LRRC4C: variants seen among roughly 807,000 people sequenced by gnomAD.
LRRC4C encodes leucine-rich repeat-containing protein 4C.
LRRC4C carries 5 observed loss-of-function variants against 33.6 expected under a neutral mutation model. That is an observed-to-expected ratio of 0.15 (90% confidence interval 0.08 to 0.31). The LOEUF (loss-of-function observed/expected upper bound fraction) is 0.31, where lower values mean the gene tolerates loss of function less well. LRRC4C is among the 10% of genes least tolerant of loss of function. The probability of loss-of-function intolerance (pLI) is 1.00; values close to 1 mark genes in which losing one functional copy is unlikely to be tolerated. For synonymous variants in LRRC4C, 329 were observed against 302.0 expected, an observed-to-expected ratio of 1.09 and a Z score of -0.93; for missense variants, 560 against 796.7, an observed-to-expected ratio of 0.70 and a Z score of 3.58.
At chr11:40,832,904 A>T (rs1952484250) in intron 2 of LRRC4C, among the ~76,000 whole-genome samples, 1 of 152,172 alleles carries the variant, frequency 6.6e-6, no homozygotes, top group African/African-American at 2.4e-5. Context: ...AGCATTTATC[A>T]AGGCAGTGTG....
At chr11:41,354,818 G>A (rs1310046025) in intron 1 of LRRC4C, among the ~76,000 whole-genome samples, 1 of 151,878 alleles carries the variant, frequency 6.6e-6, no homozygotes, top group East Asian at 1.9e-4. Flanking sequence ...GTTTGAAACT[G>A]TACTCATTTC....
At chr11:40,330,910 C>G (rs542403489) in intron 3 of LRRC4C, among the ~76,000 whole-genome samples, 43 of 152,264 alleles carry the variant, frequency 2.8e-4, no homozygotes, top group Admixed American at 1.0e-3. Flanking sequence ...TTATAGAGCA[C>G]TAGAACTTAT....
chr11:40,452,453 A>G (rs1439714048), intron 3 of LRRC4C, among the ~76,000 whole-genome samples: 5 of 152,292 alleles, frequency 3.3e-5, no homozygotes, highest in East Asian at 1.9e-4. Context: ...CTGGCCATCA[A>G]AGAAATGCAA....
At chr11:40,784,926 G>A (rs1175147833) in intron 2 of LRRC4C, among the ~76,000 whole-genome samples, 4 of 152,052 alleles carry the variant, frequency 2.6e-5, no homozygotes, top group South Asian at 2.1e-4. Context: ...TAATAGAAAG[G>A]GAGGAAGAAA....
intron 3 of LRRC4C, among the ~76,000 whole-genome samples, chr11:40,472,963 A>T (rs1362221419): frequency 6.6e-6 from 1 of 152,224 alleles, no homozygotes; most frequent in Non-Finnish European, 1.5e-5. Flanking sequence ...GGCAGTAATT[A>T]ATAGCCTACC....
intron 3 of LRRC4C, among the ~76,000 whole-genome samples, chr11:40,391,471 C>T (rs536001619): frequency 2.3e-3 from 352 of 152,268 alleles, no homozygotes; most frequent in Non-Finnish European, 4.1e-3. Flanking sequence ...TTTATAACAA[C>T]GCTGTGATGT....
At chr11:41,113,102 T>C (rs1941934927) in intron 1 of LRRC4C, among the ~76,000 whole-genome samples, 1 of 152,080 alleles carries the variant, frequency 6.6e-6, no homozygotes, top group South Asian at 2.1e-4. Flanking sequence ...ACTTTCAGAA[T>C]AAATGAATGT....
intron 2 of LRRC4C, among the ~76,000 whole-genome samples, chr11:40,716,365 A>T (rs966551588): frequency 2.0e-4 from 30 of 152,274 alleles, no homozygotes; most frequent in East Asian, 7.7e-4. Context: ...AATATTTTTT[A>T]AAAATCTTAT....
chr11:41,159,301 A>G (rs1180157630), intron 1 of LRRC4C, among the ~76,000 whole-genome samples: 5 of 152,008 alleles, frequency 3.3e-5, no homozygotes, highest in East Asian at 3.9e-4. Context: ...TAAAAAAAAT[A>G]AATACATAAA....
intron 5 of LRRC4C, among the ~76,000 whole-genome samples, chr11:40,149,038 G>C (rs994015005): frequency 6.6e-6 from 1 of 151,970 alleles, no homozygotes; most frequent in Non-Finnish European, 1.5e-5. Flanking sequence ...CCATTAATGT[G>C]TCTGTTTTTG....
chr11:41,108,022 G>A (rs1233888661), intron 1 of LRRC4C, among the ~76,000 whole-genome samples: 1 of 151,488 alleles, frequency 6.6e-6, no homozygotes, highest in African/African-American at 2.4e-5. Context: ...AGAGGAGAGT[G>A]CTCTCTAAAC....
intron 4 of LRRC4C, among the ~76,000 whole-genome samples, chr11:40,296,451 A>T (rs1944516250): frequency 6.6e-6 from 1 of 152,218 alleles, no homozygotes; most frequent in Non-Finnish European, 1.5e-5. Context: ...GGTAAATGAC[A>T]CAGCCAAAAT....
chr11:41,324,270 A>C (rs891917479), intron 1 of LRRC4C, among the ~76,000 whole-genome samples: 6 of 152,120 alleles, frequency 3.9e-5, no homozygotes, highest in African/African-American at 1.4e-4. Flanking sequence ...GTCTCTACTA[A>C]AAATACAAAA....
chr11:40,170,322 C>T (rs372713188), intron 5 of LRRC4C, among the ~76,000 whole-genome samples: 2 of 152,266 alleles, frequency 1.3e-5, no homozygotes, highest in East Asian at 1.9e-4. Context: ...CCGTGGTAAA[C>T]AAAAAGGCAG....
chr11:40,695,783 G>C (rs1312804415), intron 2 of LRRC4C, among the ~76,000 whole-genome samples: 1 of 151,856 alleles, frequency 6.6e-6, no homozygotes, highest in Non-Finnish European at 1.5e-5. Context: ...TGCCCCTCCT[G>C]CTTCATTCTT....
chr11:40,664,067 A>G (rs1943590078), intron 2 of LRRC4C, among the ~76,000 whole-genome samples: 2 of 152,204 alleles, frequency 1.3e-5, no homozygotes, highest in Non-Finnish European at 2.9e-5. Flanking sequence ...TTACATATAT[A>G]GAGCACTTTA....
intron 2 of LRRC4C, among the ~76,000 whole-genome samples, chr11:40,707,721 T>A (rs529669716): frequency 4.6e-5 from 7 of 152,204 alleles, no homozygotes; most frequent in Non-Finnish European, 1.0e-4. Context: ...GATGCTGGCC[T>A]CATAAAATGA....
rs188241212 is a variant in LRRC4C at position 40,875,270 on chromosome 11, G to T, written c.-407+58365C>A. On this transcript the variant is annotated intron_variant, in intron 2 of 6. Coordinates refer to ENST00000528697, the MANE Select transcript of LRRC4C (RefSeq NM_001258419.2). ...AAAGGCAATACTTTATTTTTTAATA[G>T]ATCTTACAAATGAGGTGACATTGTC... Among the ~76,000 whole-genome samples the T allele has an allele frequency of 2.4e-3, 359 of 152,142 alleles. 6 individuals are homozygous for T. Among genetic ancestry groups the T allele is most frequent in the Non-Finnish European group, 5.9e-4 (40 of 68,006 alleles).
intron 3 of LRRC4C, among the ~76,000 whole-genome samples, chr11:40,336,920 T>G (rs1482491998): frequency 1.5e-5 from 2 of 130,388 alleles, no homozygotes; most frequent in African/African-American, 3.1e-5. Flanking sequence ...GAGCTTGCAG[T>G]GAGCCGAGAT....
Sources: allele counts gnomAD v4.1 joint callset (sites outside exome capture counted in the v4.1 genomes callset), GRCh38; gene constraint gnomAD v4.1.1; transcripts MANE v1.5; gene names NCBI Gene and HGNC (gene_info 2026-07-23, HGNC 2026-07-21).